CCDC32: variants seen among roughly 807,000 people sequenced by gnomAD.
CCDC32 encodes coiled-coil domain-containing protein 32.
CCDC32 carries 9 observed loss-of-function variants against 20.1 expected under a neutral mutation model. That is an observed-to-expected ratio of 0.45 (90% CI 0.27 to 0.78). CCDC32 has a LOEUF of 0.78. Among genes scored for constraint, CCDC32 ranks in the 30% least tolerant of loss-of-function variants. CCDC32 has a pLI of 0.16. For synonymous variants in CCDC32, 63 were observed against 79.0 expected (o/e 0.80, Z 1.07); for missense variants, 204 against 215.5 (o/e 0.95, Z 0.33).
chr15:40,539,454 G>C (rs560175300), intron 3 of CCDC32: 1 of 1,050,304 alleles, frequency 9.5e-7, no homozygotes, highest in South Asian at 1.4e-5. Context: ...ATACATAGGA[G>C]CACCGAGAGT....
chr15:40,548,508 A>T (rs1382995769), downstream of CCDC32, among the ~76,000 whole-genome samples: 12 of 152,210 alleles, frequency 7.9e-5, no homozygotes, highest in Non-Finnish European at 1.3e-4. Context: ...AGTGGTTTAA[A>T]CCATGACATT....
chr15:40,539,840 C>CCACACACACACACACACA (rs142688774), intron 3 of CCDC32, among the ~76,000 whole-genome samples: 2,469 of 134,542 alleles, frequency 0.018, 40 homozygotes, highest in Admixed American at 0.038. Flanking sequence ...CAAACTGTTG[C>CCACACACACACACACACA]CACACACACA....
At position 40,553,532 on chromosome 15, in the gene CCDC32, T is replaced by C; in HGVS notation, c.*439A>G. ...CTCACGTGACAATTCACCAAGGGAA[T>C]GCTTGGGACACAAGCATGAATGTCC... On this transcript the variant is annotated 3_prime_UTR_variant, in exon 4 of 4. Transcript: ENST00000416810. 2 of 988,374 alleles carry C rather than the reference T, an allele frequency of 2.0e-6. No homozygotes were observed. The highest frequency in any genetic ancestry group is 9.3e-5 in the South Asian group (2 of 21,430). The allele number at this position is 988,374 out of a possible 1,614,324, so 61.2% of individuals were successfully genotyped here.
chr15:40,550,638 A>C (rs1889812324), downstream of CCDC32, among the ~76,000 whole-genome samples: 3 of 152,202 alleles, frequency 2.0e-5, no homozygotes, highest in Non-Finnish European at 4.4e-5. Flanking sequence ...TGGTAAATGG[A>C]GTTTCACCTT....
Position 40,559,318 on chromosome 15 carries a change from C to T in CCDC32, c.245-1946G>A, listed in dbSNP as rs572997722. On this transcript the variant is annotated intron_variant, in intron 2 of 3. Transcript: ENST00000416810. Reference sequence around the variant, plus strand: ...CCCAGGCTGGTCTCAAACTCTTGGCCTACACGTGACCCTCCCACATCGGCC... The same window carrying T: ...CCCAGGCTGGTCTCAAACTCTTGGCTTACACGTGACCCTCCCACATCGGCC... Among the ~76,000 whole-genome samples, 8 of 152,274 alleles carry T rather than the reference C, an allele frequency of 5.3e-5. No individual in the cohort carries two copies. In the East Asian group the frequency reaches 1.5e-3, roughly 29 times the overall value.
At chr15:40,532,104 A>G, downstream of CCDC32, 3 of 507,450 alleles carry the variant, frequency 5.9e-6, no homozygotes, top group Non-Finnish European at 1.1e-5. Flanking sequence ...TTGTTCTATT[A>G]TGGGTTCTCG....
chr15:40,524,767 T>C (rs1275662659), downstream of CCDC32, among the ~76,000 whole-genome samples: 2 of 112,988 alleles, frequency 1.8e-5, no homozygotes, highest in Admixed American at 9.4e-5. Context: ...TTTTTTTTTT[T>C]TGGAGACTGG....
chr15:40,536,193 ACT>A (rs940187259), downstream of CCDC32: 1 of 152,310 alleles, frequency 6.6e-6, no homozygotes. Flanking sequence ...AGGCTTCCTA[ACT>A]CTGGCTTCTT....
intron 3 of CCDC32, among the ~76,000 whole-genome samples, chr15:40,540,393 C>G (rs1889339910): frequency 7.0e-6 from 1 of 142,430 alleles, no homozygotes; most frequent in Non-Finnish European, 1.5e-5. Context: ...TTTGAGGTGG[C>G]GTCTCGCTCT....
chr15:40,530,954 C>A (rs998318774), downstream of CCDC32, among the ~76,000 whole-genome samples: 2 of 151,732 alleles, frequency 1.3e-5, no homozygotes, highest in Non-Finnish European at 2.9e-5. Flanking sequence ...AAGCAATCCA[C>A]CCATCTCAGC....
At chr15:40,521,705 T>C in the CCDC32 span, among the ~76,000 whole-genome samples, 1 of 152,210 alleles carries the variant, frequency 6.6e-6, no homozygotes, top group African/African-American at 2.4e-5. Context: ...TGGTATCTCA[T>C]TGTAGTTTTG....
downstream of CCDC32, among the ~76,000 whole-genome samples, chr15:40,523,837 C>T (rs1894864134): frequency 6.6e-6 from 1 of 152,178 alleles, no homozygotes; most frequent in African/African-American, 2.4e-5. Flanking sequence ...AACTCTCATT[C>T]ATTGCTGGTG....
In CCDC32 at chr15:40,543,977, C is replaced by T. The variant is rs575466324; in HGVS notation, c.402-4622G>A. On this transcript the variant is annotated intron_variant, in intron 3 of 3. Coordinates refer to the CCDC32 transcript ENST00000558113. ...ATAACTTTTTTTTAGCAGCACATAACACTGCTGACTCCATTGAACTGTTAA... is the reference window on the plus strand; with the variant it reads ...ATAACTTTTTTTTAGCAGCACATAATACTGCTGACTCCATTGAACTGTTAA... 4.6e-5 allele frequency among the ~76,000 whole-genome samples: 7 copies of T among 152,276 alleles called. No homozygotes were observed. The South Asian group carries it at 1.5e-3, about 32-fold the overall frequency.
At position 40,553,173 on chromosome 15, in the gene CCDC32, C is replaced by T; in HGVS notation, c.*798G>A. On this transcript the variant is annotated 3_prime_UTR_variant, in exon 4 of 4. Coordinates refer to ENST00000416810, the MANE Select transcript of CCDC32 (RefSeq NM_001080792.4). ...ATAAACAGGGAGGGAAGCTCGGGCTCAGCCAGGAAACCTGCCACAAGGAAG... is the reference window on the plus strand; with the variant it reads ...ATAAACAGGGAGGGAAGCTCGGGCTTAGCCAGGAAACCTGCCACAAGGAAG... 2.0e-6 allele frequency: 2 copies of T among 985,434 alleles called. No individual in the cohort carries two copies. Among genetic ancestry groups the T allele is most frequent in the Non-Finnish European group, 2.4e-6 (2 of 829,968 alleles). The allele number at this position is 985,434 out of a possible 1,614,324, so 61.0% of individuals were successfully genotyped here.
intron 1 of CCDC32, chr15:40,564,655 G>T: frequency 6.7e-7 from 1 of 1,489,190 alleles, no homozygotes; most frequent in Non-Finnish European, 9.4e-7. Context: ...AAGGCCGGAA[G>T]TAAAAGGGAC....
chr15:40,541,064 G>A lies in CCDC32; in HGVS notation c.402-1709C>T, dbSNP rs536964271. Among the ~76,000 whole-genome samples, 25 of 152,352 alleles carry A rather than the reference G, an allele frequency of 1.6e-4. 1 individual carries two copies. The South Asian group carries it at 5.2e-3, about 32-fold the overall frequency. The stretch of plus-strand genomic sequence containing the variant: ...GGCGGATCCTGGCCTGGGCGGGAAA[G>A]AGACTGTGCCAGATGCTCACGCGCT... On this transcript the variant is annotated intron_variant, in intron 3 of 3. Transcript: ENST00000558113.
intron 1 of CCDC32, among the ~76,000 whole-genome samples, chr15:40,564,066 C>T (rs980358276): frequency 6.6e-6 from 1 of 151,964 alleles, no homozygotes; most frequent in African/African-American, 2.4e-5. Flanking sequence ...GTGATCCGCC[C>T]GCCTCGGCCT....
At chr15:40,533,985 T>C (rs1276327395), downstream of CCDC32, among the ~76,000 whole-genome samples, 1 of 152,238 alleles carries the variant, frequency 6.6e-6, no homozygotes, top group Non-Finnish European at 1.5e-5. Flanking sequence ...CTTGTATATA[T>C]CTACATCATT....
downstream of CCDC32, among the ~76,000 whole-genome samples, chr15:40,552,375 G>A (rs1361457053): frequency 6.6e-6 from 1 of 150,864 alleles, no homozygotes. Flanking sequence ...CAGCTACTCA[G>A]GAGGCTGAAG....
Sources: gnomAD v4.1 joint callset for allele counts (sites outside exome capture counted in the v4.1 genomes callset) on GRCh38, gnomAD v4.1.1 for gene constraint, MANE v1.5 for transcripts, NCBI Gene and HGNC (gene_info 2026-07-23, HGNC 2026-07-21) for gene names.